Variants in ZSCAN25 observed in about 807,000 individuals in gnomAD.
ZSCAN25 encodes zinc finger and SCAN domain-containing protein 25.
A neutral mutation model predicts 38.7 loss-of-function variants in ZSCAN25; 27 were observed. The ratio of observed to expected loss-of-function variants is 0.70; its 90% CI spans 0.51 to 0.96. The LOEUF (loss-of-function observed/expected upper bound fraction) is 0.96. Ranked by LOEUF, ZSCAN25 falls within the 40% of genes least tolerant of loss-of-function variation. The pLI is 0.00. For synonymous variants in ZSCAN25, 273 were observed against 277.7 expected (o/e 0.98, Z 0.17); for missense variants, 637 against 705.9 (o/e 0.90, Z 1.11).
the ZSCAN25 span, among the ~76,000 whole-genome samples, chr7:99,654,338 T>G: frequency 2.6e-5 from 4 of 152,174 alleles, no homozygotes; most frequent in Admixed American, 1.3e-4. Flanking sequence ...AGTGTTTGGT[T>G]TTTTGTCCTT....
chr7:99,676,263 G>A, the ZSCAN25 span: 1 of 1,609,588 alleles, frequency 6.2e-7, no homozygotes, highest in East Asian at 2.2e-5. Context: ...TAGATCAGAG[G>A]GCTGGTGAGT....
At chr7:99,619,480 G>A in intron 3 of ZSCAN25, 81 bp from the exon 4 acceptor site, 3 of 1,139,328 alleles carry the variant, frequency 2.6e-6, no homozygotes, top group Non-Finnish European at 3.7e-6. Context: ...GGTAATTACT[G>A]TGTTCTCCAG....
the ZSCAN25 span, among the ~76,000 whole-genome samples, chr7:99,656,290 AG>A: frequency 2.0e-5 from 3 of 152,200 alleles, no homozygotes; most frequent in African/African-American, 7.2e-5. Context: ...TTTAGCATGA[AG>A]GGCTGTTGAA....
downstream of ZSCAN25, among the ~76,000 whole-genome samples, chr7:99,636,368 C>G (rs185492590): frequency 1.3e-5 from 2 of 152,300 alleles, no homozygotes; most frequent in African/African-American, 4.8e-5. Flanking sequence ...TCTGCACCAA[C>G]AGGAGCCTAC....
chr7:99,622,378 A>G (rs1807056203), intron 5 of ZSCAN25, 171 bp from the exon 6 acceptor site: 3 of 684,442 alleles, frequency 4.4e-6, no homozygotes, highest in Admixed American at 4.8e-5. Context: ...GGCAAGGGAC[A>G]CCCAGGCCCC....
the ZSCAN25 span, among the ~76,000 whole-genome samples, chr7:99,679,012 T>C: frequency 3.3e-5 from 5 of 152,254 alleles, no homozygotes; most frequent in African/African-American, 7.2e-5. Flanking sequence ...TTGGCTTTCA[T>C]GGCTCCTGCC....
chr7:99,716,850 A>G, the ZSCAN25 span, among the ~76,000 whole-genome samples: 1 of 152,134 alleles, frequency 6.6e-6, no homozygotes, highest in African/African-American at 2.4e-5. Flanking sequence ...CCCTTCCACC[A>G]TCCCATACAC....
At chr7:99,688,214 G>T in the ZSCAN25 span, among the ~76,000 whole-genome samples, 1 of 152,140 alleles carries the variant, frequency 6.6e-6, no homozygotes, top group Non-Finnish European at 1.5e-5. Context: ...CCAATTAAAA[G>T]ACACAGATGG....
chr7:99,626,751 A>G (rs1378946231), intron 7 of ZSCAN25, among the ~76,000 whole-genome samples: 1 of 152,214 alleles, frequency 6.6e-6, no homozygotes, highest in Non-Finnish European at 1.5e-5. Flanking sequence ...AGTTAAAATA[A>G]TATCATGAAC....
the ZSCAN25 span, chr7:99,731,291 C>T: frequency 2.3e-5 from 22 of 944,310 alleles, no homozygotes; most frequent in African/African-American, 1.7e-4. Context: ...GTAACTCTGA[C>T]GGCAATGATT....
At chr7:99,677,668 G>A in the ZSCAN25 span, among the ~76,000 whole-genome samples, 1 of 152,326 alleles carries the variant, frequency 6.6e-6, no homozygotes, top group South Asian at 2.1e-4. Flanking sequence ...AGCATGAGCA[G>A]GCCCAGTCAT....
chr7:99,684,915 T>C, the ZSCAN25 span: 1 of 336,986 alleles, frequency 3.0e-6, no homozygotes, highest in Non-Finnish European at 5.4e-6. Flanking sequence ...AAGCCAAATC[T>C]ACTTCCCAAG....
At chr7:99,671,218 A>G in the ZSCAN25 span, 1 of 154,502 alleles carries the variant, frequency 6.5e-6, no homozygotes, top group Middle Eastern at 3.1e-3. Flanking sequence ...AGGGAAGCCA[A>G]AAGATTGGAC....
At chr7:99,714,566 C>CT in the ZSCAN25 span, 1 of 1,612,872 alleles carries the variant, frequency 6.2e-7, no homozygotes, top group Non-Finnish European at 8.5e-7. Flanking sequence ...TTTTGTGTCT[C>CT]TTTGAGGCGA....
the ZSCAN25 span, among the ~76,000 whole-genome samples, chr7:99,651,295 TTATGGATTTATGTAAATCA>T: frequency 4.6e-5 from 7 of 152,218 alleles, no homozygotes; most frequent in African/African-American, 1.7e-4. Context: ...TCACATGAAT[TTATGGATTTATGTAAATCA>T]TATGGATTTA....
rs572462634 is a variant in ZSCAN25, at chr7:99,629,585, G to A, written c.1200G>A (p.Lys400=). 6.2e-7 allele frequency: 1 copy of A among 1,614,216 alleles called. No homozygotes were observed. The highest frequency in any genetic ancestry group is 1.1e-5 in the South Asian group (1 of 91,086). Residue 400 remains lysine, a synonymous_variant, in exon 8 of 8, where the codon AAG becomes AAA. Coordinates refer to ENST00000394152, the MANE Select transcript of ZSCAN25 (RefSeq NM_145115.3). This position sits in a 1 kb window ranked among gnomAD's most constrained non-coding sequence, Gnocchi z 5.6. ...LMKHQRTHLG[K]RPYVCSECWK... ...AGCACCAGAGAACCCACCTGGGAAAGAGGCCCTACGTGTGCAGCGAGTGCT... is the reference window on the plus strand; with the variant it reads ...AGCACCAGAGAACCCACCTGGGAAAAAGGCCCTACGTGTGCAGCGAGTGCT...
At chr7:99,722,090 C>T in the ZSCAN25 span, among the ~76,000 whole-genome samples, 3 of 152,314 alleles carry the variant, frequency 2.0e-5, no homozygotes, top group East Asian at 5.8e-4. Flanking sequence ...CCTGAATTTG[C>T]ACATAGCTTA....
the ZSCAN25 span, among the ~76,000 whole-genome samples, chr7:99,692,945 G>C: frequency 6.6e-6 from 1 of 152,160 alleles, no homozygotes; most frequent in East Asian, 1.9e-4. Flanking sequence ...TTGCTGGTGA[G>C]GAGCTGTGAT....
the ZSCAN25 span, chr7:99,676,315 A>G: frequency 1.9e-6 from 3 of 1,576,978 alleles, no homozygotes; most frequent in Non-Finnish European, 1.7e-6. Context: ...GGTAATATGT[A>G]CACGATAAAT....
Sources: gnomAD v4.1 joint callset for allele counts (sites outside exome capture counted in the v4.1 genomes callset) on GRCh38, gnomAD v4.1.1 for gene constraint, Gnocchi (gnomAD v3.1) non-coding constraint, MANE v1.5 for transcripts, NCBI Gene and HGNC (gene_info 2026-07-23, HGNC 2026-07-21) for gene names.